MRPS9: variants seen among roughly 807,000 people sequenced by gnomAD.
MRPS9 encodes small ribosomal subunit protein uS9m.
Under a neutral mutation model 59.9 loss-of-function variants are expected in MRPS9, and 45 were observed. The observed-to-expected ratio is 0.75, with a 90% CI of 0.59 to 0.96. The LOEUF (loss-of-function observed/expected upper bound fraction) is 0.96. Among genes scored for constraint, MRPS9 ranks in the 40% least tolerant of loss-of-function variants. The pLI, the probability that MRPS9 is intolerant of heterozygous loss-of-function variation, is 0.00. For synonymous variants in MRPS9, 171 were observed against 166.8 expected (o/e 1.03, Z -0.19); for missense variants, 473 against 481.1 (o/e 0.98, Z 0.16).
chr2:105,063,212 T>G (rs1679938691), intron 2 of MRPS9, among the ~76,000 whole-genome samples: 1 of 152,230 alleles, frequency 6.6e-6, no homozygotes, highest in Non-Finnish European at 1.5e-5. Context: ...AAGGCTGTAG[T>G]GCGCCATGAT....
At chr2:105,078,351 C>T (rs977939449) in intron 4 of MRPS9, among the ~76,000 whole-genome samples, 3 of 121,144 alleles carry the variant, frequency 2.5e-5, no homozygotes, top group Non-Finnish European at 1.9e-5. Context: ...TATACATTCA[C>T]ATATGTAATG....
chr2:105,083,714 G>A (rs567159520), intron 5 of MRPS9, among the ~76,000 whole-genome samples: 3 of 152,086 alleles, frequency 2.0e-5, no homozygotes, highest in Non-Finnish European at 4.4e-5. Flanking sequence ...GCTCTGAAGT[G>A]GTGTTAGTTT....
At chr2:105,038,268 G>A (rs921686875) in intron 1 of MRPS9, 41 bp downstream of exon 1, 13 of 1,588,024 alleles carry the variant, frequency 8.2e-6, no homozygotes, top group Non-Finnish European at 1.1e-5. Context: ...CCTCTGCCGC[G>A]CGAGGATGTG....
chr2:105,064,779 C>T (rs1679970099), intron 2 of MRPS9, among the ~76,000 whole-genome samples: 1 of 152,182 alleles, frequency 6.6e-6, no homozygotes, highest in Non-Finnish European at 1.5e-5. Context: ...GAAAGACAAA[C>T]AGCAATGTGT....
intron 9 of MRPS9, among the ~76,000 whole-genome samples, chr2:105,096,682 A>G (rs1316682417): frequency 6.6e-6 from 1 of 152,250 alleles, no homozygotes; most frequent in African/African-American, 2.4e-5. Context: ...AAAACTAACC[A>G]TATCAAGATG....
intron 2 of MRPS9, among the ~76,000 whole-genome samples, chr2:105,063,719 A>T (rs946731624): frequency 1.3e-5 from 2 of 152,248 alleles, no homozygotes; most frequent in African/African-American, 4.8e-5. Flanking sequence ...AGTCTATAGC[A>T]GGAGGTAGAA....
chr2:105,068,664 A>G (rs926492843), intron 2 of MRPS9, among the ~76,000 whole-genome samples: 2 of 152,134 alleles, frequency 1.3e-5, no homozygotes, highest in African/African-American at 2.4e-5. Context: ...TTTGTGTTTT[A>G]TGTTTGCAAA....
chr2:105,068,836 A>G (rs1025030842), intron 2 of MRPS9, among the ~76,000 whole-genome samples: 1 of 152,162 alleles, frequency 6.6e-6, no homozygotes, highest in Non-Finnish European at 1.5e-5. Flanking sequence ...TCATTTATTC[A>G]GCCAGCCTCT....
chr2:105,099,846 A>C lies in MRPS9; in HGVS notation c.*85A>C, dbSNP rs929597101. ...ACACAGTAAATAATGGCTGACCAGC[A>C]TGAGGGCAGTACTGTCAGAAATTTC... On this transcript the variant is annotated 3_prime_UTR_variant, in exon 11 of 11. Transcript: ENST00000258455. 8.3e-7 allele frequency: 1 copy of C among 1,203,936 alleles called. No homozygotes were observed. The highest frequency in any genetic ancestry group is 2.4e-5 in the East Asian group (1 of 40,940). The allele number at this position is 1,203,936 out of a possible 1,614,324, so 74.6% of individuals were successfully genotyped here.
In MRPS9 at chr2:105,092,279, T is replaced by C. The variant is rs1392019837; in HGVS notation, c.652-122T>C. The C allele has an allele frequency of 3.8e-6, 3 of 785,824 alleles. No individual in the cohort carries two copies. The African/African-American group carries it at 5.3e-5, about 14-fold the overall frequency. The allele number at this position is 785,824 out of a possible 1,614,324, so 48.7% of individuals were successfully genotyped here. A position where few individuals can be genotyped will look rare whatever the true frequency, so the allele number is the denominator to read the frequency against. ...TAAAAGCAGCGTGAAGATGCAGAAG[T>C]GTCATCCTGTCAAAATTCATCAGGA... On this transcript the variant is annotated intron_variant, in intron 7 of 10. Coordinates refer to ENST00000258455, the MANE Select transcript of MRPS9 (RefSeq NM_182640.3).
chr2:105,056,778 A>G (rs560394453), intron 2 of MRPS9, among the ~76,000 whole-genome samples: 1 of 152,346 alleles, frequency 6.6e-6, no homozygotes, highest in South Asian at 2.1e-4. Context: ...AATGTAATAT[A>G]CTAGTGCTTC....
rs139986097 is a variant in MRPS9 at position 105,086,773 on chromosome 2, A to G, written c.490-2211A>G. Among the ~76,000 whole-genome samples, 61 of 152,204 alleles carry G rather than the reference A, an allele frequency of 4.0e-4. 1 individual carries two copies. Among genetic ancestry groups the G allele is most frequent in the Non-Finnish European group, 7.5e-4 (51 of 67,992 alleles). On this transcript the variant is annotated intron_variant, in intron 5 of 10. Coordinates refer to ENST00000258455, the MANE Select transcript of MRPS9 (RefSeq NM_182640.3). ...TCCTCTGCTGCTGCAGGTGATGGAT[A>G]TGTAGTTGGAATGTAGTTTCCTTAC...
At chr2:105,067,404 G>A (rs1299492821) in intron 2 of MRPS9, among the ~76,000 whole-genome samples, 2 of 152,082 alleles carry the variant, frequency 1.3e-5, no homozygotes, top group African/African-American at 2.4e-5. Context: ...TTACATCCAC[G>A]AAGTCTGAGA....
chr2:105,097,767 C>G (rs912359150), intron 10 of MRPS9, among the ~76,000 whole-genome samples: 1 of 152,200 alleles, frequency 6.6e-6, no homozygotes, highest in Non-Finnish European at 1.5e-5. Context: ...GTGGTATTAT[C>G]ATAGCTAGCT....
chr2:105,039,706 A>G (rs1032701245), intron 1 of MRPS9, among the ~76,000 whole-genome samples: 1 of 152,204 alleles, frequency 6.6e-6, no homozygotes, highest in South Asian at 2.1e-4. Context: ...CTATTCCATG[A>G]TAAGAATATA....
At chr2:105,099,617 C>A in intron 10 of MRPS9, 53 bp from the exon 11 acceptor site, 2 of 1,533,534 alleles carry the variant, frequency 1.3e-6, no homozygotes, top group Non-Finnish European at 1.8e-6. Flanking sequence ...TGCTTTTCTT[C>A]TGGGCAGCAT....
At chr2:105,054,177 G>T (rs981361465) in intron 2 of MRPS9, among the ~76,000 whole-genome samples, 3 of 152,254 alleles carry the variant, frequency 2.0e-5, no homozygotes, top group Admixed American at 6.5e-5. Flanking sequence ...ATACCGACTT[G>T]TCTACCTCAG....
chr2:105,085,794 T>A (rs1014381335), intron 5 of MRPS9, among the ~76,000 whole-genome samples: 1 of 152,190 alleles, frequency 6.6e-6, no homozygotes, highest in Non-Finnish European at 1.5e-5. Context: ...CACTGTTAAA[T>A]ACAGTATATA....
chr2:105,073,198 G>A (rs1184351825), intron 4 of MRPS9, among the ~76,000 whole-genome samples: 1 of 151,172 alleles, frequency 6.6e-6, no homozygotes. Context: ...TCTACTAGTT[G>A]CATCTCTTCT....
Sources: allele counts gnomAD v4.1 joint callset (sites outside exome capture counted in the v4.1 genomes callset), GRCh38; gene constraint gnomAD v4.1.1; transcripts MANE v1.5; gene names NCBI Gene and HGNC (gene_info 2026-07-23, HGNC 2026-07-21).